The following SMC6 variants were observed in gnomAD, a reference collection of about 807,000 sequenced individuals.
SMC6 encodes structural maintenance of chromosomes protein 6.
In SMC6, 79 loss-of-function variants were observed where a neutral mutation model predicts 142.2. The ratio of observed to expected loss-of-function variants is 0.56; its 90% CI spans 0.46 to 0.67. The LOEUF (loss-of-function observed/expected upper bound fraction) is 0.67, where lower values mean the gene tolerates loss of function less well. SMC6 is among the 30% of genes least tolerant of loss of function. The probability of loss-of-function intolerance (pLI) is 0.00; values close to 1 mark genes in which losing one functional copy is unlikely to be tolerated. For synonymous variants in SMC6, 411 were observed against 412.4 expected, an observed-to-expected ratio of 1.00 and a Z score of 0.04; for missense variants, 1,072 against 1,284.0, an observed-to-expected ratio of 0.83 and a Z score of 2.52.
At chr2:17,751,189 C>A (rs1265546915) in intron 2 of SMC6, among the ~76,000 whole-genome samples, 1 of 151,938 alleles carries the variant, frequency 6.6e-6, no homozygotes, top group East Asian at 1.9e-4. Flanking sequence ...TTTGAAAACA[C>A]TGAGTTTGGG....
chr2:17,721,196 T>C lies in SMC6; in HGVS notation c.792A>G (p.Leu264=). 6.2e-7 allele frequency: 1 copy of C among 1,612,320 alleles called. No individual in the cohort carries two copies. Among genetic ancestry groups the C allele is most frequent in the Non-Finnish European group, 8.5e-7 (1 of 1,179,518 alleles). ...ACTCTAAATTAGTCTTCATTGTACTTAAACCAGCAATACTTTGAAAACGTT... is the reference window on the plus strand; with the variant it reads ...ACTCTAAATTAGTCTTCATTGTACTCAAACCAGCAATACTTTGAAAACGTT... ...KEERFQSIAG[L]STMKTNLESL... Residue 264 remains leucine (L), a synonymous_variant, in exon 10 of 28, where the codon TTA becomes TTG. Transcript: ENST00000448223.
intron 8 of SMC6, among the ~76,000 whole-genome samples, chr2:17,725,628 C>A (rs555939314): frequency 2.0e-5 from 3 of 152,238 alleles, no homozygotes; most frequent in South Asian, 4.1e-4. Context: ...GTAATAAGCT[C>A]ATTTTCACTA....
In SMC6 at chr2:17,739,927, C is replaced by CACAG. The variant is rs1208547505; in HGVS notation, c.239-1602_239-1601insCTGT. On this transcript the variant is annotated intron_variant, in intron 4 of 27. Transcript: ENST00000448223. ...ACACACACACACACACACACACACA[C>CACAG]AGAATATGGTAACCATTTTCTGAAC... is the stretch of plus-strand genomic sequence containing the variant. 8.1e-5 allele frequency among the ~76,000 whole-genome samples: 11 copies of CACAG among 136,426 alleles called. 1 individual carries two copies. Among genetic ancestry groups the CACAG allele is most frequent in the Middle Eastern group, 3.9e-3 (1 of 258 alleles). 89.5% of individuals were successfully genotyped at this position (136,426 alleles called of 152,430 possible). A position where few individuals can be genotyped will look rare whatever the true frequency, so the allele number is the denominator to read the frequency against.
chr2:17,690,741 A>G (rs1312751770), intron 23 of SMC6, among the ~76,000 whole-genome samples: 1 of 152,176 alleles, frequency 6.6e-6, no homozygotes, highest in Non-Finnish European at 1.5e-5. Flanking sequence ...ATATAAATAA[A>G]TGAAAAGATG....
intron 16 of SMC6, among the ~76,000 whole-genome samples, chr2:17,711,780 A>G (rs1406946318): frequency 1.3e-5 from 2 of 152,032 alleles, no homozygotes; most frequent in African/African-American, 4.8e-5. Context: ...CACCATGCTC[A>G]GTTTATTTTT....
At chr2:17,752,355 G>A (rs887689377) in intron 2 of SMC6, among the ~76,000 whole-genome samples, 2 of 152,020 alleles carry the variant, frequency 1.3e-5, no homozygotes, top group Non-Finnish European at 2.9e-5. Context: ...ATAATGACAA[G>A]AACAAAAAAA....
At chr2:17,731,709 T>TAAA in intron 6 of SMC6, 32 bp downstream of exon 6, 1 of 1,593,116 alleles carries the variant, frequency 6.3e-7, no homozygotes, top group Non-Finnish European at 8.6e-7. Context: ...TCCTAATATT[T>TAAA]TATAAGAAAT....
At chr2:17,677,317 G>T (rs1667037009) in intron 25 of SMC6, among the ~76,000 whole-genome samples, 1 of 152,114 alleles carries the variant, frequency 6.6e-6, no homozygotes, top group African/African-American at 2.4e-5. Context: ...ACTTTCCTAA[G>T]ACTTAGTCCA....
Position 17,738,262 on chromosome 2 carries a change from ATTAG to A in SMC6, c.299_302del (p.Thr100IlefsTer6). The A allele has an allele frequency of 6.2e-7, 1 of 1,613,758 alleles. No homozygotes were observed. The highest frequency in any genetic ancestry group is 8.5e-7 in the Non-Finnish European group (1 of 1,179,922). ...CAAAACCTTTTAAAGAGGATCCTCT[ATTAG>A]TAGCAACTGCTCTTCCACCAAGACC... On this transcript the variant is annotated frameshift_variant, in exon 5 of 28. Coordinates refer to ENST00000448223, the MANE Select transcript of SMC6 (RefSeq NM_001142286.2). LOFTEE classifies it high-confidence loss of function.
At chr2:17,669,903 AC>A (rs932887767) in intron 26 of SMC6, among the ~76,000 whole-genome samples, 4 of 152,146 alleles carry the variant, frequency 2.6e-5, no homozygotes, top group Non-Finnish European at 5.9e-5. Context: ...AGAAATTGAG[AC>A]CCAATAAGTA....
intron 4 of SMC6, among the ~76,000 whole-genome samples, chr2:17,741,240 T>C (rs997884856): frequency 6.6e-6 from 1 of 152,246 alleles, no homozygotes; most frequent in Admixed American, 6.5e-5. Context: ...TGGTGAGAAC[T>C]ACTTTTATGT....
chr2:17,721,283 G>A (rs1490062434), intron 9 of SMC6, 22 bp from the exon 10 acceptor site: 12 of 1,533,044 alleles, frequency 7.8e-6, no homozygotes, highest in South Asian at 2.6e-5. Flanking sequence ...AAAACAGAAC[G>A]GACGTATTTT....
intron 23 of SMC6, among the ~76,000 whole-genome samples, chr2:17,688,262 G>T (rs903651486): frequency 1.5e-4 from 23 of 151,002 alleles, no homozygotes; most frequent in African/African-American, 5.6e-4. Flanking sequence ...GCTGGGTCAG[G>T]TATAGAATGA....
intron 22 of SMC6, among the ~76,000 whole-genome samples, chr2:17,695,633 T>G (rs1460548388): frequency 9.9e-5 from 15 of 152,124 alleles, no homozygotes; most frequent in Non-Finnish European, 2.2e-4. Flanking sequence ...TCCTTTAGGG[T>G]TGACTCTGAG....
At chr2:17,692,572 C>T (rs1421598307) in intron 23 of SMC6, among the ~76,000 whole-genome samples, 5 of 152,316 alleles carry the variant, frequency 3.3e-5, no homozygotes, top group South Asian at 4.1e-4. Context: ...GGATTAAAGA[C>T]TTACATGTTA....
chr2:17,749,129 C>T (rs1670895058), intron 2 of SMC6, among the ~76,000 whole-genome samples: 1 of 151,804 alleles, frequency 6.6e-6, no homozygotes. Flanking sequence ...GCATCAGATA[C>T]AGATTAAAAT....
intron 21 of SMC6, 49 bp from the exon 22 acceptor site, chr2:17,696,475 C>T (rs767822265): frequency 6.3e-7 from 1 of 1,578,156 alleles, no homozygotes. Flanking sequence ...AAATTTCCAG[C>T]ATAGGTATAA....
rs138757121 is a variant in SMC6 at position 17,700,514 on chromosome 2, G to T, written c.2224-136C>A. 4.9e-3 allele frequency: 2,919 copies of T among 601,270 alleles called. 24 individuals are homozygous for T. Among genetic ancestry groups the T allele is most frequent in the South Asian group, 0.02 (518 of 25,274 alleles). The allele number at this position is 601,270 out of a possible 1,614,324, so 37.2% of individuals were successfully genotyped here. A position where few individuals can be genotyped will look rare whatever the true frequency, so the allele number is the denominator to read the frequency against. On this transcript the variant is annotated intron_variant, in intron 20 of 27. Transcript: ENST00000448223. ...CAGATCAAATACAAATAGAACACTA[G>T]AATATTTTTATACTCTTAATGGTAA...
intron 23 of SMC6, among the ~76,000 whole-genome samples, chr2:17,693,100 T>A (rs1345182286): frequency 1.3e-5 from 2 of 152,176 alleles, no homozygotes; most frequent in Non-Finnish European, 2.9e-5. Flanking sequence ...ACTTTTACAC[T>A]GTTGATGGGG....
Sources: gnomAD v4.1 joint callset for allele counts (sites outside exome capture counted in the v4.1 genomes callset) on GRCh38, gnomAD v4.1.1 for gene constraint, MANE v1.5 for transcripts, NCBI Gene and HGNC (gene_info 2026-07-23, HGNC 2026-07-21) for gene names.